Variants in TRIO observed in about 807,000 individuals in gnomAD.
The protein encoded by TRIO is triple functional domain protein.
In TRIO, 58 loss-of-function variants were observed where a neutral mutation model predicts 351.9. The ratio of observed to expected loss-of-function variants is 0.16; its 90% CI spans 0.13 to 0.21. The LOEUF is 0.21. Among genes scored for constraint, TRIO ranks in the 10% least tolerant of loss-of-function variants. The probability of loss-of-function intolerance (pLI) is 1.00; values close to 1 mark genes in which losing one functional copy is unlikely to be tolerated. For synonymous variants in TRIO, 1,758 were observed against 1,595.7 expected (o/e 1.10, Z -2.42); for missense variants, 3,201 against 4,027.8 (o/e 0.79, Z 5.56).
chr5:14,289,858 T>A (rs706273), intron 4 of TRIO, among the ~76,000 whole-genome samples: 33,518 of 150,384 alleles, frequency 0.22, 3,982 homozygotes, highest in Admixed American at 0.29. Context: ...CAAAAAAAAA[T>A]AATAATAATA....
chr5:14,507,669 C>A (rs1468825398), intron 56 of TRIO, among the ~76,000 whole-genome samples: 1 of 152,134 alleles, frequency 6.6e-6, no homozygotes, highest in African/African-American at 2.4e-5. Context: ...AGAGAGCTGC[C>A]CTGTGTGGAT....
intron 34 of TRIO, among the ~76,000 whole-genome samples, chr5:14,424,310 G>A (rs1261362998): frequency 1.3e-5 from 2 of 152,062 alleles, no homozygotes; most frequent in Non-Finnish European, 2.9e-5. Context: ...TTTTGCTTGT[G>A]CTTTCAAATA....
At chr5:14,349,558 C>G (rs1003883139) in intron 11 of TRIO, among the ~76,000 whole-genome samples, 6 of 152,186 alleles carry the variant, frequency 3.9e-5, no homozygotes, top group South Asian at 4.1e-4. Context: ...GTCGTGGCGA[C>G]TGCTGTCTTT....
At chr5:14,472,362 G>C (rs1429377101) in intron 38 of TRIO, among the ~76,000 whole-genome samples, 1 of 152,202 alleles carries the variant, frequency 6.6e-6, no homozygotes, top group Non-Finnish European at 1.5e-5. Context: ...AATTCACCCT[G>C]ATTGCCCTCA....
At chr5:14,376,683 T>C (rs1745592028) in intron 19 of TRIO, among the ~76,000 whole-genome samples, 1 of 152,258 alleles carries the variant, frequency 6.6e-6, no homozygotes, top group South Asian at 2.1e-4. Flanking sequence ...TTTTCCACTG[T>C]TCTAACCAGC....
intron 11 of TRIO, among the ~76,000 whole-genome samples, chr5:14,345,254 T>C (rs561308406): frequency 1.3e-5 from 2 of 152,352 alleles, no homozygotes; most frequent in South Asian, 2.1e-4. Flanking sequence ...AGTGCTGATA[T>C]ACCTGACACA....
At chr5:14,422,080 C>T (rs1342775812) in intron 34 of TRIO, among the ~76,000 whole-genome samples, 4 of 152,194 alleles carry the variant, frequency 2.6e-5, no homozygotes, top group Non-Finnish European at 4.4e-5. Context: ...CCTTTTGAGC[C>T]TCTTTTCAGT....
At chr5:14,223,670 T>C (rs754380500) in intron 1 of TRIO, among the ~76,000 whole-genome samples, 1 of 152,190 alleles carries the variant, frequency 6.6e-6, no homozygotes, top group Non-Finnish European at 1.5e-5. Flanking sequence ...TGGCCAAGTT[T>C]CCGGGAAGCA....
intron 7 of TRIO, among the ~76,000 whole-genome samples, chr5:14,299,721 T>C (rs1238108290): frequency 6.6e-6 from 1 of 152,202 alleles, no homozygotes; most frequent in East Asian, 1.9e-4. Flanking sequence ...AGCTTGGACA[T>C]CCTAAGTTAA....
rs540007649 is a variant in TRIO, at chr5:14,252,616, A to G, written c.158-18209A>G. ...CAGGAGAGCCCAGGAAACAATTAAA[A>G]CCATCCCTGAGACATCTCCTTTCAA... On this transcript the variant is annotated intron_variant, in intron 1 of 56. Coordinates refer to ENST00000344204, the MANE Select transcript of TRIO (RefSeq NM_007118.4). Among the ~76,000 whole-genome samples the G allele has an allele frequency of 1.2e-3, 186 of 152,300 alleles. 3 individuals carry two copies. The South Asian group carries it at 0.036, about 30-fold the overall frequency.
intron 1 of TRIO, among the ~76,000 whole-genome samples, chr5:14,180,614 G>A (rs1013130583): frequency 6.6e-6 from 1 of 152,146 alleles, no homozygotes; most frequent in Non-Finnish European, 1.5e-5. Flanking sequence ...TGGGAAGATC[G>A]CTTGAGGCCA....
At chr5:14,423,848 G>A (rs1010491017) in intron 34 of TRIO, among the ~76,000 whole-genome samples, 2 of 151,552 alleles carry the variant, frequency 1.3e-5, no homozygotes. Context: ...CCCAGGGCCT[G>A]TGTCCCGCAC....
chr5:14,481,672 T>C (rs1396850924), intron 45 of TRIO, 54 bp downstream of exon 45: 17 of 1,585,044 alleles, frequency 1.1e-5, no homozygotes, highest in Non-Finnish European at 1.5e-5. Context: ...CTCTTTCTTT[T>C]GTCTTGGATT....
chr5:14,285,014 AG>A (rs1025103190), intron 3 of TRIO, among the ~76,000 whole-genome samples: 4 of 152,266 alleles, frequency 2.6e-5, no homozygotes, highest in Admixed American at 2.0e-4. Context: ...TTAGAGCCCA[AG>A]GAAGTCTAGA....
At chr5:14,289,336 G>A (rs1373657931) in intron 4 of TRIO, among the ~76,000 whole-genome samples, 2 of 152,104 alleles carry the variant, frequency 1.3e-5, no homozygotes, top group Non-Finnish European at 2.9e-5. Context: ...AGTGAGCTGA[G>A]GTTGCACCAC....
At chr5:14,217,396 C>T (rs1372627234) in intron 1 of TRIO, among the ~76,000 whole-genome samples, 1 of 152,074 alleles carries the variant, frequency 6.6e-6, no homozygotes, top group Non-Finnish European at 1.5e-5. Context: ...TGGCACTAGT[C>T]CCCAGGAGAG....
rs185455851 is a variant in TRIO, at chr5:14,176,327, G to A, written c.157+32445G>A. Among the ~76,000 whole-genome samples the A allele has an allele frequency of 2.5e-3, 387 of 152,190 alleles. 1 individual carries two copies. The highest frequency in any genetic ancestry group is 8.8e-3 in the African/African-American group (366 of 41,518). ...TCTACTAAAAATAAAAAAATTAGCC[G>A]GACATGGTGGCGGGCGCCTGTAGTC... is the stretch of plus-strand genomic sequence containing the variant. On this transcript the variant is annotated intron_variant, in intron 1 of 56. Coordinates refer to ENST00000344204, the MANE Select transcript of TRIO (RefSeq NM_007118.4).
intron 2 of TRIO, among the ~76,000 whole-genome samples, chr5:14,273,373 A>G (rs1249713913): frequency 6.6e-6 from 1 of 152,244 alleles, no homozygotes; most frequent in Non-Finnish European, 1.5e-5. Flanking sequence ...TCTTCTAAAA[A>G]GTAATGCTGA....
chr5:14,262,862 A>G (rs1406875137), intron 1 of TRIO, among the ~76,000 whole-genome samples: 2 of 152,094 alleles, frequency 1.3e-5, no homozygotes, highest in East Asian at 1.9e-4. Context: ...TGGCTATCCT[A>G]TAGGCATGTG....
Sources: gnomAD v4.1 joint callset for allele counts (sites outside exome capture counted in the v4.1 genomes callset) on GRCh38, gnomAD v4.1.1 for gene constraint, MANE v1.5 for transcripts, NCBI Gene and HGNC (gene_info 2026-07-23, HGNC 2026-07-21) for gene names.